PGM5: variants seen among roughly 807,000 people sequenced by gnomAD.
PGM5 encodes the protein phosphoglucomutase 5.
In PGM5, 23 loss-of-function variants were observed where a neutral mutation model predicts 59.2. That is an observed-to-expected ratio of 0.39 (90% confidence interval 0.28 to 0.55). The LOEUF (loss-of-function observed/expected upper bound fraction) is 0.55. PGM5 is among the 20% of genes least tolerant of loss of function. The probability of loss-of-function intolerance (pLI) is 0.66; values close to 1 mark genes in which losing one functional copy is unlikely to be tolerated. For synonymous variants in PGM5, 214 were observed against 286.0 expected, an observed-to-expected ratio of 0.75 and a Z score of 2.54; for missense variants, 574 against 748.3, an observed-to-expected ratio of 0.77 and a Z score of 2.72.
intron 6 of PGM5, among the ~76,000 whole-genome samples, chr9:68,424,239 T>G (rs1554682569): frequency 6.6e-6 from 1 of 152,244 alleles, no homozygotes; most frequent in East Asian, 1.9e-4. Flanking sequence ...TCTTAGTCTG[T>G]TCCAGCTGCT....
intron 10 of PGM5, among the ~76,000 whole-genome samples, chr9:68,505,126 C>A (rs1554688922): frequency 6.6e-6 from 1 of 152,186 alleles, no homozygotes; most frequent in Non-Finnish European, 1.5e-5. Flanking sequence ...AGTCAGGAAG[C>A]AATTCAGATT....
At chr9:68,383,755 A>C (rs1431120991) in intron 2 of PGM5, among the ~76,000 whole-genome samples, 1 of 150,968 alleles carries the variant, frequency 6.6e-6, no homozygotes, top group African/African-American at 2.4e-5. Context: ...AAAAAAAAAA[A>C]AAAAAAGCAA....
At chr9:68,441,957 C>T (rs1176396978) in intron 6 of PGM5, among the ~76,000 whole-genome samples, 1 of 151,792 alleles carries the variant, frequency 6.6e-6, no homozygotes, top group African/African-American at 2.4e-5. Context: ...TTGAAAAAAG[C>T]AATACTATTT....
At chr9:68,429,834 C>T (rs1402900046) in intron 6 of PGM5, among the ~76,000 whole-genome samples, 3 of 152,206 alleles carry the variant, frequency 2.0e-5, no homozygotes, top group Non-Finnish European at 4.4e-5. Context: ...CGATTTACAA[C>T]AGTTTTCTTC....
At chr9:68,527,729 C>T (rs1825009233) in intron 10 of PGM5, among the ~76,000 whole-genome samples, 1 of 141,778 alleles carries the variant, frequency 7.1e-6, no homozygotes, top group South Asian at 2.5e-4. Flanking sequence ...TTCCAGCTTC[C>T]AGGAGTCTAT....
rs1373087302 is a variant in PGM5, at chr9:68,402,676, G to A, written c.1043+10203G>A. Among the ~76,000 whole-genome samples the A allele has an allele frequency of 2.0e-5, 3 of 152,298 alleles. No homozygotes were observed. In the East Asian group the frequency reaches 5.8e-4, roughly 29 times the overall value. On this transcript the variant is annotated intron_variant, in intron 6 of 10. Coordinates refer to ENST00000396396, the MANE Select transcript of PGM5 (RefSeq NM_021965.4). The stretch of plus-strand genomic sequence containing the variant: ...GATATAAGGAAGGTAGTTTAGCCCA[G>A]CCTAACTCTCAATCATATGCTTTGT...
Position 68,512,670 on chromosome 9 carries a change from T to G in PGM5, c.1614+13309T>G, listed in dbSNP as rs80086257. ...CATATTGGATTAGACCTCACCCTAA[T>G]GATCTCATTTTAACATGAGTACCTC... On this transcript the variant is annotated intron_variant, in intron 10 of 10. Transcript: ENST00000396396. Among the ~76,000 whole-genome samples the G allele has an allele frequency of 2.7e-3, 410 of 152,350 alleles. 1 individual carries two copies. Among genetic ancestry groups the G allele is most frequent in the African/African-American group, 9.3e-3 (385 of 41,578 alleles).
chr9:68,363,693 C>G (rs1834624543), intron 1 of PGM5, among the ~76,000 whole-genome samples: 1 of 152,300 alleles, frequency 6.6e-6, no homozygotes, highest in Non-Finnish European at 1.5e-5. Context: ...ATATATTGAC[C>G]AAAAGAGTCA....
chr9:68,414,432 C>T (rs1822986765), intron 6 of PGM5, among the ~76,000 whole-genome samples: 1 of 152,168 alleles, frequency 6.6e-6, no homozygotes, highest in Non-Finnish European at 1.5e-5. Flanking sequence ...ATGCTATTGG[C>T]TACTTTGTCA....
intron 9 of PGM5, among the ~76,000 whole-genome samples, chr9:68,488,679 G>A (rs1456224391): frequency 4.6e-5 from 7 of 152,174 alleles, no homozygotes; most frequent in African/African-American, 1.7e-4. Flanking sequence ...AAAAATTGAT[G>A]TGTGCTTTCC....
intron 4 of PGM5, among the ~76,000 whole-genome samples, chr9:68,390,836 G>A (rs1822346338): frequency 6.6e-6 from 1 of 152,078 alleles, no homozygotes; most frequent in African/African-American, 2.4e-5. Flanking sequence ...TTGCTTCTCT[G>A]AAGCCATTGG....
intron 6 of PGM5, among the ~76,000 whole-genome samples, chr9:68,418,577 T>TGCTGCA (rs1241472455): frequency 3.3e-5 from 5 of 152,070 alleles, no homozygotes; most frequent in African/African-American, 1.2e-4. Context: ...AAATCTCCGA[T>TGCTGCA]GCTGCAGCTG....
intron 6 of PGM5, among the ~76,000 whole-genome samples, chr9:68,415,793 A>ATCTATCTATCTATCTG (rs1563999482): frequency 2.2e-4 from 19 of 86,434 alleles, no homozygotes; most frequent in Middle Eastern, 4.9e-3. Flanking sequence ...CTATCTATCT[A>ATCTATCTATCTATCTG]TCTATCTATC....
intron 1 of PGM5, among the ~76,000 whole-genome samples, chr9:68,377,779 T>A (rs1201029820): frequency 1.2e-4 from 18 of 152,366 alleles, no homozygotes; most frequent in African/African-American, 4.3e-4. Context: ...TCTGAGCTTG[T>A]TCTAAGTTAC....
chr9:68,529,211 G>GTGTGTGTGTGT (rs1825040778), intron 10 of PGM5, among the ~76,000 whole-genome samples: 3 of 145,302 alleles, frequency 2.1e-5, no homozygotes, highest in East Asian at 2.0e-4. Context: ...GTGTGTGTGT[G>GTGTGTGTGTGT]GTGAGGATGA....
chr9:68,433,722 A>T (rs950064139), intron 6 of PGM5, among the ~76,000 whole-genome samples: 1 of 152,222 alleles, frequency 6.6e-6, no homozygotes, highest in South Asian at 2.1e-4. Context: ...TCCAAGTCAG[A>T]TAACAGCACT....
chr9:68,388,100 C>T (rs1822273635), intron 4 of PGM5, among the ~76,000 whole-genome samples: 1 of 136,680 alleles, frequency 7.3e-6, no homozygotes, highest in Non-Finnish European at 1.6e-5. Context: ...CTCTTTTTCA[C>T]CCTCTCCACC....
At chr9:68,418,930 A>G (rs1554682186) in intron 6 of PGM5, among the ~76,000 whole-genome samples, 1 of 152,162 alleles carries the variant, frequency 6.6e-6, no homozygotes, top group African/African-American at 2.4e-5. Flanking sequence ...AACCAGGCTT[A>G]TGCGAGCTTT....
At chr9:68,408,689 A>G (rs1822865529) in intron 6 of PGM5, among the ~76,000 whole-genome samples, 2 of 152,108 alleles carry the variant, frequency 1.3e-5, no homozygotes, top group Admixed American at 6.6e-5. Context: ...GTTTTCTTCT[A>G]GGGTTTTTAT....
Sources: gnomAD v4.1 joint callset for allele counts (sites outside exome capture counted in the v4.1 genomes callset) on GRCh38, gnomAD v4.1.1 for gene constraint, MANE v1.5 for transcripts, NCBI Gene and HGNC (gene_info 2026-07-23, HGNC 2026-07-21) for gene names.